PCDH15: variants seen among roughly 807,000 people sequenced by gnomAD.
PCDH15 encodes the protein protocadherin related 15, also known as protocadherin-15.
PCDH15 carries 129 observed loss-of-function variants against 178.5 expected under a neutral mutation model. The observed-to-expected ratio is 0.72, with a 90% CI of 0.63 to 0.84. The LOEUF is 0.84. PCDH15 is among the 40% of genes least tolerant of loss of function. The pLI, the probability that PCDH15 is intolerant of heterozygous loss-of-function variation, is 0.00. For missense variants in PCDH15, 2,230 were observed against 2,099.9 expected (o/e 1.06, Z -1.21); for synonymous variants, 800 against 732.0 (o/e 1.09, Z -1.50).
intron 1 of PCDH15, among the ~76,000 whole-genome samples, chr10:55,247,578 T>C (rs1841710610): frequency 2.6e-5 from 4 of 152,048 alleles, no homozygotes. Flanking sequence ...GTTAAAGCAG[T>C]GCAACTTTTT....
At chr10:54,812,880 T>G (rs1186412861) in intron 3 of PCDH15, among the ~76,000 whole-genome samples, 1 of 152,190 alleles carries the variant, frequency 6.6e-6, no homozygotes, top group East Asian at 1.9e-4. Flanking sequence ...TCTCTTTAAA[T>G]AGCAAACTCT....
chr10:54,779,804 AC>A (rs1566225501), intron 1 of PCDH15, among the ~76,000 whole-genome samples: 1 of 151,894 alleles, frequency 6.6e-6, no homozygotes, highest in African/African-American at 2.4e-5. Context: ...TGTGCTTCCT[AC>A]ATAGACCCCT....
intron 2 of PCDH15, among the ~76,000 whole-genome samples, chr10:55,085,025 C>G (rs1411457823): frequency 6.6e-6 from 1 of 151,874 alleles, no homozygotes; most frequent in Non-Finnish European, 1.5e-5. Flanking sequence ...GGAAGTTCCT[C>G]AGAAAAGTGA....
At chr10:55,483,815 CAAAA>C (rs71014494) in intron 2 of PCDH15, among the ~76,000 whole-genome samples, 9 of 111,206 alleles carry the variant, frequency 8.1e-5, no homozygotes, top group Non-Finnish European at 1.2e-4. Context: ...GACTCCATCT[CAAAA>C]AAAAAAAAAA....
chr10:54,520,201 A>G (rs2082695971), intron 3 of PCDH15, among the ~76,000 whole-genome samples: 4 of 152,234 alleles, frequency 2.6e-5, no homozygotes, highest in Non-Finnish European at 4.4e-5. Context: ...ACAAAAGCCA[A>G]AATTGACAAA....
At chr10:54,693,669 G>T (rs1007475336) in intron 1 of PCDH15, among the ~76,000 whole-genome samples, 3 of 152,140 alleles carry the variant, frequency 2.0e-5, no homozygotes, top group Non-Finnish European at 4.4e-5. Flanking sequence ...CCCTGAAGAA[G>T]AAATGCTTTC....
chr10:54,975,402 A>G (rs1204003619), intron 2 of PCDH15, among the ~76,000 whole-genome samples: 1 of 152,184 alleles, frequency 6.6e-6, no homozygotes, highest in African/African-American at 2.4e-5. Context: ...GCACATAATA[A>G]GGACTTAATA....
At chr10:54,284,646 G>A (rs919962579) in intron 8 of PCDH15, among the ~76,000 whole-genome samples, 1 of 152,144 alleles carries the variant, frequency 6.6e-6, no homozygotes, top group Non-Finnish European at 1.5e-5. Context: ...AAACTCCTCT[G>A]GGTTGGCTGG....
intron 2 of PCDH15, among the ~76,000 whole-genome samples, chr10:54,655,183 C>T (rs960503215): frequency 6.8e-6 from 1 of 147,402 alleles, no homozygotes; most frequent in Admixed American, 6.9e-5. Flanking sequence ...TGCACTCCAG[C>T]CTGGGCACAG....
At chr10:54,940,453 A>T (rs1838033131) in intron 2 of PCDH15, among the ~76,000 whole-genome samples, 1 of 152,140 alleles carries the variant, frequency 6.6e-6, no homozygotes. Flanking sequence ...CTACAATATG[A>T]TCCTTGAATA....
At chr10:54,735,808 T>C (rs1208404704) in intron 1 of PCDH15, among the ~76,000 whole-genome samples, 7 of 119,348 alleles carry the variant, frequency 5.9e-5, no homozygotes, top group Non-Finnish European at 8.7e-5. Flanking sequence ...TAGGTGGGAA[T>C]TGAACAATGA....
At chr10:53,811,015 C>G (rs2075845963) in intron 36 of PCDH15, among the ~76,000 whole-genome samples, 1 of 152,178 alleles carries the variant, frequency 6.6e-6, no homozygotes, top group Non-Finnish European at 1.5e-5. Flanking sequence ...GGCTCATTCA[C>G]CACATTAAAT....
intron 2 of PCDH15, among the ~76,000 whole-genome samples, chr10:54,910,013 G>A (rs577187286): frequency 6.6e-5 from 10 of 152,082 alleles, no homozygotes; most frequent in African/African-American, 1.2e-4. Context: ...AAAATACAGC[G>A]GGGAGCAAAG....
intron 3 of PCDH15, among the ~76,000 whole-genome samples, chr10:54,515,707 C>A (rs549744067): frequency 6.6e-6 from 1 of 152,354 alleles, no homozygotes; most frequent in Non-Finnish European, 1.5e-5. Flanking sequence ...GACCTGCGAG[C>A]AGCCTAACTG....
At chr10:54,693,937 G>C (rs11817402) in intron 1 of PCDH15, among the ~76,000 whole-genome samples, 2 of 151,910 alleles carry the variant, frequency 1.3e-5, no homozygotes, top group Non-Finnish European at 2.9e-5. Context: ...TTTTCTCAAC[G>C]AAGTATATTT....
intron 2 of PCDH15, among the ~76,000 whole-genome samples, chr10:55,116,366 T>C (rs1044686295): frequency 4.6e-5 from 7 of 152,164 alleles, no homozygotes; most frequent in African/African-American, 1.7e-4. Flanking sequence ...ATTTTGAATA[T>C]CAAAATGTTT....
chr10:54,910,458 A>C, intron 2 of PCDH15, among the ~76,000 whole-genome samples: 1 of 152,188 alleles, frequency 6.6e-6, no homozygotes, highest in East Asian at 1.9e-4. Flanking sequence ...ATATTTTCTT[A>C]GTCTCACCAC....
At position 54,408,045 on chromosome 10, in the gene PCDH15, ACT is replaced by A. The variant is rs1451146298; in HGVS notation, c.158-29105_158-29104del. Among the ~76,000 whole-genome samples the A allele has an allele frequency of 4.1e-5, 4 of 97,310 alleles. No homozygotes were observed. In the South Asian group the frequency reaches 1.2e-3, roughly 30 times the overall value. The allele number at this position is 97,310 out of a possible 152,430, so 63.8% of individuals were successfully genotyped here. A position where few individuals can be genotyped will look rare whatever the true frequency, so the allele number is the denominator to read the frequency against. ...ACTCCAGCCTGGGTGACAGAATGAG[ACT>A]CTGTCAAAAAAAAAAAAAAAAAAGG... is the stretch of plus-strand genomic sequence containing the variant. On this transcript the variant is annotated intron_variant, in intron 3 of 37. Coordinates refer to ENST00000644397, the MANE Select transcript of PCDH15 (RefSeq NM_001384140.1).
chr10:54,338,024 C>T (rs542495342), intron 6 of PCDH15, among the ~76,000 whole-genome samples: 1 of 152,312 alleles, frequency 6.6e-6, no homozygotes, highest in Admixed American at 6.5e-5. Context: ...TTACCACTCT[C>T]CCTCACACAA....
Sources: gnomAD v4.1 joint callset for allele counts (sites outside exome capture counted in the v4.1 genomes callset) on GRCh38, gnomAD v4.1.1 for gene constraint, MANE v1.5 for transcripts, NCBI Gene and HGNC (gene_info 2026-07-23, HGNC 2026-07-21) for gene names.